Variants in LHFPL3 observed in about 807,000 individuals in gnomAD.
LHFPL3 encodes LHFPL tetraspan subfamily member 3 protein.
Under a neutral mutation model 19.3 loss-of-function variants are expected in LHFPL3, and 5 were observed. That is an observed-to-expected ratio of 0.26 (90% CI 0.14 to 0.54). LHFPL3 has a LOEUF of 0.54. Among genes scored for constraint, LHFPL3 ranks in the 20% least tolerant of loss-of-function variants. The probability of loss-of-function intolerance (pLI) is 0.94; values close to 1 mark genes in which losing one functional copy is unlikely to be tolerated. For missense variants in LHFPL3, 249 were observed against 307.4 expected (o/e 0.81, Z 1.42); for synonymous variants, 133 against 126.2 (o/e 1.05, Z -0.36).
intron 2 of LHFPL3, chr7:104,752,587 A>G (rs1241784213): frequency 1.5e-5 from 4 of 263,188 alleles, no homozygotes; most frequent in African/African-American, 9.3e-5. Flanking sequence ...GATTTTTTGT[A>G]GATACTTTAA....
chr7:104,414,294 A>G (rs1215219995), intron 1 of LHFPL3, among the ~76,000 whole-genome samples: 1 of 152,224 alleles, frequency 6.6e-6, no homozygotes, highest in African/African-American at 2.4e-5. Context: ...TAACAAACAT[A>G]CAGAGTTTCA....
intron 1 of LHFPL3, among the ~76,000 whole-genome samples, chr7:104,466,317 C>T (rs144609486): frequency 3.3e-5 from 5 of 152,266 alleles, no homozygotes; most frequent in East Asian, 1.9e-4. Context: ...TTATATGCTA[C>T]GGATACATTT....
Position 104,722,860 on chromosome 7 carries a change from A to G in LHFPL3, c.446-13815A>G, listed in dbSNP as rs1483343824. 4.6e-5 allele frequency among the ~76,000 whole-genome samples: 7 copies of G among 152,232 alleles called. No homozygotes were observed. The South Asian group carries it at 1.0e-3, about 23-fold the overall frequency. On this transcript the variant is annotated intron_variant, in intron 1 of 2. Transcript: ENST00000424859. The stretch of plus-strand genomic sequence containing the variant: ...GTGCTTCAGCAACATGAGGCAATTT[A>G]TCAGTTTTTTTGTGCAACAGTGCAT...
At chr7:104,655,764 C>G (rs1792110539) in intron 1 of LHFPL3, among the ~76,000 whole-genome samples, 1 of 152,198 alleles carries the variant, frequency 6.6e-6, no homozygotes, top group Non-Finnish European at 1.5e-5. Context: ...TTCCACCCAA[C>G]CATTCACTGT....
intron 1 of LHFPL3, among the ~76,000 whole-genome samples, chr7:104,404,272 A>G (rs1301274698): frequency 1.3e-5 from 2 of 152,212 alleles, no homozygotes; most frequent in African/African-American, 2.4e-5. Context: ...TTCCTATAAC[A>G]GATATTCATA....
chr7:104,740,655 C>T (rs7779428), intron 2 of LHFPL3, among the ~76,000 whole-genome samples: 45,679 of 152,070 alleles, frequency 0.3, 7,558 homozygotes, highest in East Asian at 0.67. Context: ...AGAGCTTATG[C>T]AGGGGAACTC....
chr7:104,667,264 T>TGGGGAGGG (rs1792372994), intron 1 of LHFPL3, among the ~76,000 whole-genome samples: 2 of 148,172 alleles, frequency 1.3e-5, no homozygotes, highest in African/African-American at 5.1e-5. Context: ...TCTGTTTTCT[T>TGGGGAGGG]GGGGGGGGGA....
At chr7:104,647,775 A>T (rs982909365) in intron 1 of LHFPL3, among the ~76,000 whole-genome samples, 1 of 152,138 alleles carries the variant, frequency 6.6e-6, no homozygotes, top group African/African-American at 2.4e-5. Flanking sequence ...TTCCTTTAGG[A>T]AGAAGGAGAA....
chr7:104,698,616 A>T (rs960371652), intron 1 of LHFPL3, among the ~76,000 whole-genome samples: 7 of 152,238 alleles, frequency 4.6e-5, no homozygotes, highest in African/African-American at 1.7e-4. Context: ...CTGTACATGG[A>T]TGTTTACAGC....
intron 1 of LHFPL3, among the ~76,000 whole-genome samples, chr7:104,677,144 G>C (rs1584475720): frequency 6.6e-6 from 1 of 152,328 alleles, no homozygotes; most frequent in East Asian, 1.9e-4. Context: ...GGGAGGCCAA[G>C]ACAGGAGGAT....
At chr7:104,612,858 T>G (rs1182458538) in intron 1 of LHFPL3, among the ~76,000 whole-genome samples, 1 of 152,240 alleles carries the variant, frequency 6.6e-6, no homozygotes, top group Admixed American at 6.5e-5. Flanking sequence ...ATCCAAATGC[T>G]GTCAATTAAC....
At chr7:104,374,690 A>G (rs1273425584) in intron 1 of LHFPL3, among the ~76,000 whole-genome samples, 1 of 152,142 alleles carries the variant, frequency 6.6e-6, no homozygotes, top group Non-Finnish European at 1.5e-5. Flanking sequence ...CCTTGATCTA[A>G]TGGGATAGTT....
chr7:104,497,507 A>G (rs536077809), intron 1 of LHFPL3, among the ~76,000 whole-genome samples: 1 of 152,174 alleles, frequency 6.6e-6, no homozygotes, highest in Non-Finnish European at 1.5e-5. Context: ...TTCATCTGAG[A>G]GCTGACAGAT....
chr7:104,340,690 G>A (rs983652594), intron 1 of LHFPL3, among the ~76,000 whole-genome samples: 3 of 152,144 alleles, frequency 2.0e-5, no homozygotes, highest in Admixed American at 1.3e-4. Context: ...AGTATTTTTA[G>A]TAAACTGCAT....
chr7:104,547,268 AAAG>A lies in LHFPL3; in HGVS notation c.446-189404_446-189402del, dbSNP rs1159863147. On this transcript the variant is annotated intron_variant, in intron 1 of 2. Coordinates refer to ENST00000424859, the MANE Select transcript of LHFPL3 (RefSeq NM_199000.3). ...AAAAAAAAAAAAAAAAAAAAAAAAA[AAAG>A]AAATAGTAGCTCAAAATATGTATAA... Among the ~76,000 whole-genome samples, 33 of 25,126 alleles carry A rather than the reference AAAG, an allele frequency of 1.3e-3. 10 individuals are homozygous for A. Among genetic ancestry groups the A allele is most frequent in the Non-Finnish European group, 3.2e-3 (31 of 9,774 alleles). The allele number at this position is 25,126 out of a possible 152,430, so 16.5% of individuals were successfully genotyped here. A position where few individuals can be genotyped will look rare whatever the true frequency, so the allele number is the denominator to read the frequency against.
intron 2 of LHFPL3, among the ~76,000 whole-genome samples, chr7:104,816,900 T>C (rs1790567448): frequency 6.6e-6 from 1 of 152,222 alleles, no homozygotes; most frequent in Non-Finnish European, 1.5e-5. Flanking sequence ...GAACCTTGTG[T>C]CTTCTGGGTT....
intron 1 of LHFPL3, among the ~76,000 whole-genome samples, chr7:104,523,324 A>G (rs1196703083): frequency 6.6e-6 from 1 of 152,208 alleles, no homozygotes; most frequent in East Asian, 1.9e-4. Context: ...TAAAACACAC[A>G]TACACTGGAG....
At chr7:104,681,647 A>G (rs949683598) in intron 1 of LHFPL3, among the ~76,000 whole-genome samples, 12 of 151,992 alleles carry the variant, frequency 7.9e-5, no homozygotes, top group Non-Finnish European at 1.6e-4. Context: ...GGAGGGAGGA[A>G]GAAAGGAAGG....
In LHFPL3 at chr7:104,598,822, C is replaced by A. The variant is rs59172982; in HGVS notation, c.446-137853C>A. Among the ~76,000 whole-genome samples, 619 of 152,266 alleles carry A rather than the reference C, an allele frequency of 4.1e-3. 34 individuals carry two copies. The East Asian group carries it at 0.099, about 24-fold the overall frequency. On this transcript the variant is annotated intron_variant, in intron 1 of 2. Coordinates refer to ENST00000424859, the MANE Select transcript of LHFPL3 (RefSeq NM_199000.3). The stretch of plus-strand genomic sequence containing the variant: ...TTCTGACTTCTTCTGGTTTTCGAAT[C>A]TTAAAACCATTTTTCTTCAGTTAAT...
Sources: allele counts gnomAD v4.1 joint callset (sites outside exome capture counted in the v4.1 genomes callset), GRCh38; gene constraint gnomAD v4.1.1; transcripts MANE v1.5; gene names NCBI Gene and HGNC (gene_info 2026-07-23, HGNC 2026-07-21).